Variants in TLE4 observed in about 807,000 individuals in gnomAD.
TLE4 encodes the protein transducin-like enhancer protein 4.
TLE4 carries 8 observed loss-of-function variants against 92.8 expected under a neutral mutation model. The ratio of observed to expected loss-of-function variants is 0.09; its 90% CI spans 0.05 to 0.16. The LOEUF is 0.16. Ranked by LOEUF, TLE4 falls within the 10% of genes least tolerant of loss-of-function variation. TLE4 has a pLI of 1.00. For missense variants in TLE4, 675 were observed against 997.6 expected (o/e 0.68, Z 4.36); for synonymous variants, 371 against 374.1 (o/e 0.99, Z 0.10).
intron 6 of TLE4, among the ~76,000 whole-genome samples, chr9:79,632,263 C>G (rs776823899): frequency 6.6e-6 from 1 of 152,206 alleles, no homozygotes; most frequent in African/African-American, 2.4e-5. Context: ...CCCGCATTCT[C>G]TGGGGGAGAC....
intron 4 of TLE4, among the ~76,000 whole-genome samples, chr9:79,586,320 G>A (rs1430917790): frequency 3.3e-5 from 5 of 150,962 alleles, no homozygotes; most frequent in East Asian, 3.9e-4. Context: ...CCAAGATCGC[G>A]CCACTGCACT....
chr9:79,574,926 A>G lies in TLE4; in HGVS notation c.197A>G (p.His66Arg), dbSNP rs1407441446. The G allele has an allele frequency of 6.2e-7, 1 of 1,613,512 alleles. No homozygotes were observed. Among genetic ancestry groups the G allele is most frequent in the South Asian group, 1.1e-5 (1 of 91,060 alleles). ...LASEKTEMQRHYVMYYEMSYG... is the reference protein window; with the variant it reads ...LASEKTEMQRRYVMYYEMSYG... ...AGTGAGAAGACAGAGATGCAGCGGC[A>G]TTATGTCATGGTAAGAAAACCATGT... Residue 66 changes from histidine (H) to arginine (R), a missense_variant, in exon 3 of 20, where the codon CAT becomes CGT. By Grantham distance (29) the His-to-Arg change is conservative. Around this residue, in one of 5 missense-constraint regions of TLE4, gnomAD observed 68 missense variants for 141.2 expected, o/e 0.48. Transcript: ENST00000376552.
At chr9:79,613,794 A>G (rs532359158) in intron 5 of TLE4, among the ~76,000 whole-genome samples, 1 of 152,242 alleles carries the variant, frequency 6.6e-6, no homozygotes, top group Non-Finnish European at 1.5e-5. Flanking sequence ...AGATTGCTGT[A>G]TATGATTTTT....
chr9:79,705,788 C>A, intron 9 of TLE4, 101 bp from the exon 10 acceptor site: 1 of 1,164,626 alleles, frequency 8.6e-7, no homozygotes, highest in Non-Finnish European at 1.3e-6. Context: ...TTTGGTACAG[C>A]TCATCTTTAT....
intron 6 of TLE4, among the ~76,000 whole-genome samples, chr9:79,634,904 G>C (rs184557078): frequency 6.6e-6 from 1 of 152,156 alleles, no homozygotes; most frequent in Non-Finnish European, 1.5e-5. Context: ...AGGACAGTTG[G>C]TTGAATAAAG....
intron 6 of TLE4, among the ~76,000 whole-genome samples, chr9:79,642,861 C>T (rs1415250576): frequency 6.6e-6 from 1 of 152,134 alleles, no homozygotes; most frequent in Non-Finnish European, 1.5e-5. Context: ...TGGAGGACTA[C>T]AGAGATCTGT....
chr9:79,572,882 C>T (rs2036201461), intron 1 of TLE4, 47 bp downstream of exon 1: 1 of 1,560,026 alleles, frequency 6.4e-7, no homozygotes. Context: ...CTGGGGGATT[C>T]CCCGCGTCGC....
At chr9:79,677,950 T>C (rs1470429250) in intron 8 of TLE4, among the ~76,000 whole-genome samples, 1 of 152,164 alleles carries the variant, frequency 6.6e-6, no homozygotes, top group Non-Finnish European at 1.5e-5. Context: ...ATTTCTCTCT[T>C]CTATTTTGAA....
intron 7 of TLE4, among the ~76,000 whole-genome samples, chr9:79,653,672 A>ATT (rs2059353548): frequency 1.3e-5 from 2 of 152,216 alleles, no homozygotes; most frequent in South Asian, 4.1e-4. Context: ...GAATTATAAT[A>ATT]TTAAGTCAGT....
intron 5 of TLE4, among the ~76,000 whole-genome samples, chr9:79,622,093 T>A (rs1324318545): frequency 6.6e-6 from 1 of 152,254 alleles, no homozygotes; most frequent in African/African-American, 2.4e-5. Context: ...TCCAACTTTT[T>A]TGCATGTCAT....
rs2136334235 is a variant in TLE4 at position 79,725,484 on chromosome 9, G to C, written c.*340G>C. The stretch of plus-strand genomic sequence containing the variant: ...AATGACTGACTAAATAAAGCTGTCT[G>C]CTCCTGCATTGATAATGAAGGTGCG... On this transcript the variant is annotated 3_prime_UTR_variant, in exon 20 of 20. Coordinates refer to ENST00000376552, the MANE Select transcript of TLE4 (RefSeq NM_007005.6). The C allele has an allele frequency of 5.6e-6, 1 of 177,934 alleles. No homozygotes were observed. Among genetic ancestry groups the C allele is most frequent in the Non-Finnish European group, 1.2e-5 (1 of 83,602 alleles). The allele number at this position is 177,934 out of a possible 1,614,324, so 11.0% of individuals were successfully genotyped here.
At chr9:79,636,704 T>G (rs1564547249) in intron 6 of TLE4, among the ~76,000 whole-genome samples, 1 of 152,166 alleles carries the variant, frequency 6.6e-6, no homozygotes, top group Non-Finnish European at 1.5e-5. Flanking sequence ...ATTAACCTGT[T>G]TTATTGTCGT....
At chr9:79,622,102 A>T (rs1411564712) in intron 5 of TLE4, among the ~76,000 whole-genome samples, 1 of 152,200 alleles carries the variant, frequency 6.6e-6, no homozygotes, top group African/African-American at 2.4e-5. Context: ...TTTGCATGTC[A>T]TGCAAAGCCC....
chr9:79,717,930 A>T, intron 14 of TLE4: 2 of 455,780 alleles, frequency 4.4e-6, no homozygotes, highest in Non-Finnish European at 8.8e-6. Context: ...TCCCTTCCTG[A>T]CTTCAGTGCC....
At chr9:79,601,279 G>T (rs1034776244) in intron 4 of TLE4, 28 of 418,712 alleles carry the variant, frequency 6.7e-5, no homozygotes, top group African/African-American at 5.3e-4. Context: ...AAAGATGTGT[G>T]ATGGGAAACT....
At chr9:79,724,385 A>G (rs1036996921) in intron 19 of TLE4, among the ~76,000 whole-genome samples, 3 of 152,034 alleles carry the variant, frequency 2.0e-5, no homozygotes, top group African/African-American at 7.3e-5. Flanking sequence ...TCATACCAGT[A>G]ACACCCCGTC....
chr9:79,594,415 T>C (rs1348820224), intron 4 of TLE4, among the ~76,000 whole-genome samples: 1 of 152,234 alleles, frequency 6.6e-6, no homozygotes, highest in East Asian at 1.9e-4. Context: ...ACATTTAGTA[T>C]GTTAAGATTG....
At chr9:79,593,025 T>C (rs1236613984) in intron 4 of TLE4, among the ~76,000 whole-genome samples, 4 of 152,246 alleles carry the variant, frequency 2.6e-5, no homozygotes, top group Non-Finnish European at 5.9e-5. Context: ...TTCTCCCTAA[T>C]GTGAGGCATA....
chr9:79,573,807 T>C (rs761071965), intron 2 of TLE4, 21 bp downstream of exon 2: 3 of 1,521,294 alleles, frequency 2.0e-6, no homozygotes, highest in Non-Finnish European at 2.7e-6. Context: ...TGACTTTAGC[T>C]GATCCTTCTG....
Sources: allele counts gnomAD v4.1 joint callset (sites outside exome capture counted in the v4.1 genomes callset), GRCh38; gene constraint gnomAD v4.1.1; regional missense constraint gnomAD v4.1.1; transcripts MANE v1.5; gene names NCBI Gene and HGNC (gene_info 2026-07-23, HGNC 2026-07-21).